Variants in CHEK1 observed in about 807,000 individuals in gnomAD.
CHEK1 encodes serine/threonine-protein kinase Chk1.
Under a neutral mutation model 60.2 loss-of-function variants are expected in CHEK1, and 32 were observed. The ratio of observed to expected loss-of-function variants is 0.53; its 90% CI spans 0.40 to 0.71. CHEK1 has a LOEUF of 0.71. CHEK1 is among the 30% of genes least tolerant of loss of function. The pLI is 0.00. For synonymous variants in CHEK1, 179 were observed against 187.2 expected (o/e 0.96, Z 0.36); for missense variants, 399 against 564.6 (o/e 0.71, Z 2.97).
intron 11 of CHEK1, 118 bp downstream of exon 11, chr11:125,644,761 CTT>C: frequency 1.7e-6 from 2 of 1,179,530 alleles, no homozygotes; most frequent in Non-Finnish European, 2.3e-6. Flanking sequence ...GTAATCCCAG[CTT>C]TTTGGGAGGC....
At position 125,626,759 on chromosome 11, in the gene CHEK1, C is replaced by T. The variant is rs2135968498; in HGVS notation, c.-10C>T. Reference sequence around the variant, plus strand: ...TCCTGCCTTTTACAGCCGAGGTGCTCGGTGGAGTCATGGCAGTGCCCTTTG... The same window carrying T: ...TCCTGCCTTTTACAGCCGAGGTGCTTGGTGGAGTCATGGCAGTGCCCTTTG... On this transcript the variant is annotated 5_prime_UTR_variant, in exon 2 of 13. Transcript: ENST00000438015. 1 of 1,614,020 alleles carries T rather than the reference C, an allele frequency of 6.2e-7. No individual in the cohort carries two copies. Among genetic ancestry groups the T allele is most frequent in the Non-Finnish European group, 8.5e-7 (1 of 1,179,992 alleles).
chr11:125,626,895 ACT>A (rs1234411782), intron 2 of CHEK1, 62 bp downstream of exon 2: 8 of 1,528,532 alleles, frequency 5.2e-6, no homozygotes, highest in Admixed American at 3.4e-5. Flanking sequence ...GGAGTCTCAC[ACT>A]CTGGTGATTT....
chr11:125,642,540 A>T (rs1204055234), intron 8 of CHEK1, among the ~76,000 whole-genome samples: 1 of 151,706 alleles, frequency 6.6e-6, no homozygotes, highest in Non-Finnish European at 1.5e-5. Flanking sequence ...AAGCAGGTTT[A>T]AAAAAAAACT....
intron 12 of CHEK1, among the ~76,000 whole-genome samples, chr11:125,654,946 A>G (rs1941860334): frequency 6.6e-6 from 1 of 152,210 alleles, no homozygotes; most frequent in Non-Finnish European, 1.5e-5. Flanking sequence ...AGGTCCAGAT[A>G]TACCAACACC....
chr11:125,674,588 T>G (rs1401722685), intron 13 of CHEK1, among the ~76,000 whole-genome samples: 8 of 152,206 alleles, frequency 5.3e-5, no homozygotes, highest in Non-Finnish European at 1.2e-4. Flanking sequence ...TATTACCTTT[T>G]ACTGAAATAT....
In CHEK1 at chr11:125,635,492, CAT is replaced by C; in HGVS notation, c.679_680del (p.Tyr227ProfsTer17). The C allele has an allele frequency of 6.2e-7, 1 of 1,607,110 alleles. No homozygotes were observed. The highest frequency in any genetic ancestry group is 8.5e-7 in the Non-Finnish European group (1 of 1,176,584). On this transcript the variant is annotated frameshift_variant, in exon 7 of 13. Coordinates refer to ENST00000438015, the MANE Select transcript of CHEK1 (RefSeq NM_001114122.3). LOFTEE classifies it high-confidence loss of function. Reference sequence around the variant, plus strand: ...TATTCTGACTGGAAAGAAAAAAAAACATACCTCAACCCTTGGAAAAAAATCGA... The same window carrying C: ...TATTCTGACTGGAAAGAAAAAAAAACACCTCAACCCTTGGAAAAAAATCGA...
intron 1 of CHEK1, 129 bp from the exon 2 acceptor site, chr11:125,626,620 T>C (rs2135967920): frequency 2.7e-6 from 2 of 735,500 alleles, no homozygotes; most frequent in Admixed American, 2.4e-5. Context: ...CTTGGATAAA[T>C]GTGGATGAGA....
At chr11:125,672,651 T>G in intron 13 of CHEK1, 2 of 1,614,150 alleles carry the variant, frequency 1.2e-6, no homozygotes, top group Non-Finnish European at 1.7e-6. Flanking sequence ...CCTCGTTCCA[T>G]GGGAGAAGAG....
rs1397184569 is a variant in CHEK1, at chr11:125,672,550, G to T, written c.*28-3378G>T. The T allele has an allele frequency of 6.2e-6, 10 of 1,609,060 alleles. No homozygotes were observed. The East Asian group carries it at 2.2e-4, about 36-fold the overall frequency. On this transcript the variant is annotated intron_variant, in intron 13 of 13. Transcript: ENST00000428830. ...AAAATGAGCCAAATAGAGTGATGGA[G>T]GCTTTTTACTGCCTGAGTCAAAACA...
downstream of CHEK1, chr11:125,676,402 G>A (rs567416194): frequency 2.5e-5 from 40 of 1,614,156 alleles, no homozygotes; most frequent in South Asian, 3.8e-4. Context: ...AATTCTGAGT[G>A]ATGCAGGTTC....
chr11:125,666,951 T>TTTGTTG (rs954007836), intron 13 of CHEK1, among the ~76,000 whole-genome samples: 21 of 151,952 alleles, frequency 1.4e-4, no homozygotes, highest in African/African-American at 4.8e-4. Flanking sequence ...TCAGACAACT[T>TTTGTTG]TTGTTGTTGT....
chr11:125,680,186 T>C (rs944997633), downstream of CHEK1, among the ~76,000 whole-genome samples: 1 of 152,194 alleles, frequency 6.6e-6, no homozygotes, highest in Non-Finnish European at 1.5e-5. Flanking sequence ...CTTTCTGCTG[T>C]AGGAGGCAGG....
chr11:125,674,226 TGAGA>T (rs1255154728), intron 13 of CHEK1, among the ~76,000 whole-genome samples: 2 of 152,136 alleles, frequency 1.3e-5, no homozygotes, highest in Non-Finnish European at 2.9e-5. Flanking sequence ...TGTCAAGAGC[TGAGA>T]GAGATAAAAA....
chr11:125,638,314 T>A (rs989889625), intron 8 of CHEK1, among the ~76,000 whole-genome samples: 1 of 152,062 alleles, frequency 6.6e-6, no homozygotes, highest in Non-Finnish European at 1.5e-5. Context: ...TGTCTAGAAG[T>A]GGGAGGCTGG....
At chr11:125,632,624 T>C (rs947391645) in intron 5 of CHEK1, among the ~76,000 whole-genome samples, 1 of 152,216 alleles carries the variant, frequency 6.6e-6, no homozygotes, top group Non-Finnish European at 1.5e-5. Context: ...TTGGGTCTTC[T>C]GATATTTTTT....
At chr11:125,637,905 C>T (rs1941135409) in intron 8 of CHEK1, among the ~76,000 whole-genome samples, 1 of 152,174 alleles carries the variant, frequency 6.6e-6, no homozygotes, top group South Asian at 2.1e-4. Context: ...TTTAGAAAGT[C>T]TGATGCTTTT....
chr11:125,663,593 A>G (rs1289723794), intron 13 of CHEK1, among the ~76,000 whole-genome samples: 1 of 151,876 alleles, frequency 6.6e-6, no homozygotes, highest in Non-Finnish European at 1.5e-5. Flanking sequence ...GTTTGCAAAT[A>G]TTTTCTTCCT....
Position 125,653,861 on chromosome 11 carries a change from T to C in CHEK1, c.1335+14T>C, listed in dbSNP as rs1941816140. The C allele has an allele frequency of 7.2e-7, 1 of 1,382,312 alleles. No individual in the cohort carries two copies. Among genetic ancestry groups the C allele is most frequent in the Admixed American group, 2.0e-5 (1 of 50,804 alleles). The allele number at this position is 1,382,312 out of a possible 1,614,324, so 85.6% of individuals were successfully genotyped here. On this transcript the variant is annotated intron_variant, in intron 12 of 12. Coordinates refer to ENST00000438015, the MANE Select transcript of CHEK1 (RefSeq NM_001114122.3). This position sits in a 1 kb window ranked among gnomAD's most constrained non-coding sequence, Gnocchi z 4.3. ...CGGCTTTCTAAGGTATTTTTATGTT[T>C]TATTGTATTCTTTCTATGGAAATAT...
downstream of CHEK1, among the ~76,000 whole-genome samples, chr11:125,660,367 TTGTGTA>T (rs1941989692): frequency 6.6e-6 from 1 of 152,158 alleles, no homozygotes; most frequent in African/African-American, 2.4e-5. Flanking sequence ...TGATTTGGAT[TTGTGTA>T]TTTTTACTTG....
Sources: gnomAD v4.1 joint callset for allele counts (sites outside exome capture counted in the v4.1 genomes callset) on GRCh38, gnomAD v4.1.1 for gene constraint, Gnocchi (gnomAD v3.1) non-coding constraint, MANE v1.5 for transcripts, NCBI Gene and HGNC (gene_info 2026-07-23, HGNC 2026-07-21) for gene names.